The following IL1RAPL1 variants were observed in gnomAD, a reference collection of about 807,000 sequenced individuals.
IL1RAPL1 encodes interleukin 1 receptor accessory protein like 1.
In IL1RAPL1, 3 loss-of-function variants were observed where a neutral mutation model predicts 48.4. The observed-to-expected ratio is 0.06, with a 90% confidence interval of 0.03 to 0.16. The LOEUF (loss-of-function observed/expected upper bound fraction) is 0.16. Ranked by LOEUF, IL1RAPL1 falls within the 10% of genes least tolerant of loss-of-function variation. IL1RAPL1 has a pLI of 1.00. For missense variants in IL1RAPL1, 349 were observed against 530.6 expected, an observed-to-expected ratio of 0.66 and a Z score of 3.36; for synonymous variants, 185 against 187.7, an observed-to-expected ratio of 0.99 and a Z score of 0.12.
At chrX:29,758,603 G>A (rs1242866544) in intron 6 of IL1RAPL1, among the ~76,000 whole-genome samples, 3 of 109,295 alleles carry the variant, frequency 2.7e-5, no homozygotes, top group Admixed American at 2.0e-4. Context: ...GGCTGAGGCA[G>A]GAGAATTGCT....
chrX:29,796,186 A>T (rs181739990), intron 6 of IL1RAPL1, among the ~76,000 whole-genome samples: 23 of 112,397 alleles, frequency 2.0e-4, no homozygotes, highest in Admixed American at 7.5e-4. Flanking sequence ...AGAACTTTCC[A>T]TAATATCTCT....
intron 5 of IL1RAPL1, among the ~76,000 whole-genome samples, chrX:29,415,747 T>G (rs1934207303): frequency 8.9e-6 from 1 of 112,636 alleles, no homozygotes; most frequent in South Asian, 3.6e-4. Flanking sequence ...ATACAGCTCT[T>G]ATAGTTTTAA....
At chrX:29,762,824 GT>G (rs1396035348) in intron 6 of IL1RAPL1, among the ~76,000 whole-genome samples, 1 of 111,136 alleles carries the variant, frequency 9.0e-6, no homozygotes, top group Non-Finnish European at 1.9e-5. Flanking sequence ...CTATCCTGTC[GT>G]TTTGAATATT....
intron 6 of IL1RAPL1, among the ~76,000 whole-genome samples, chrX:29,877,684 G>A (rs943326677): frequency 1.8e-5 from 2 of 111,701 alleles, no homozygotes. Context: ...TCCATTAACC[G>A]ATAGAACGAG....
chrX:29,900,367 G>C (rs761185321), intron 6 of IL1RAPL1, among the ~76,000 whole-genome samples: 12 of 112,120 alleles, frequency 1.1e-4, no homozygotes, highest in African/African-American at 3.2e-4. Context: ...AAGAAAAGCA[G>C]GTTTGTGCCT....
intron 2 of IL1RAPL1, among the ~76,000 whole-genome samples, chrX:29,149,140 G>A (rs1929409046): frequency 9.0e-6 from 1 of 110,502 alleles, no homozygotes; most frequent in Non-Finnish European, 1.9e-5. Context: ...GTAGCCATTG[G>A]GTAAGAAATG....
chrX:29,433,063 G>A, intron 5 of IL1RAPL1, among the ~76,000 whole-genome samples: 1 of 109,833 alleles, frequency 9.1e-6, no homozygotes. Context: ...TGAATACATG[G>A]TATGTCTGTT....
intron 2 of IL1RAPL1, among the ~76,000 whole-genome samples, chrX:29,211,156 A>G (rs1930762768): frequency 9.0e-6 from 1 of 111,044 alleles, no homozygotes; most frequent in Non-Finnish European, 1.9e-5. Flanking sequence ...GAAACAAAGT[A>G]TTCTCTCACT....
At chrX:28,720,851 T>G (rs1288317567) in intron 1 of IL1RAPL1, among the ~76,000 whole-genome samples, 8 of 111,566 alleles carry the variant, frequency 7.2e-5, no homozygotes, top group Non-Finnish European at 1.5e-4. Flanking sequence ...ACATGTGGTG[T>G]TTGGTTTTTT....
chrX:29,701,671 A>G (rs1286532468), intron 6 of IL1RAPL1, among the ~76,000 whole-genome samples: 1 of 111,399 alleles, frequency 9.0e-6, no homozygotes. Flanking sequence ...AGTGTATCCC[A>G]TATCCTTCAG....
chrX:28,604,922 C>T (rs947835644), intron 1 of IL1RAPL1, among the ~76,000 whole-genome samples: 9 of 110,748 alleles, frequency 8.1e-5, no homozygotes, highest in Non-Finnish European at 1.5e-4. Flanking sequence ...GTAACAATTG[C>T]ACAATGGATC....
At chrX:28,697,289 C>G (rs191533285) in intron 1 of IL1RAPL1, among the ~76,000 whole-genome samples, 1 of 110,281 alleles carries the variant, frequency 9.1e-6, no homozygotes, top group East Asian at 2.9e-4. Context: ...GTGTTTTCTG[C>G]ATTTCAAATT....
chrX:28,805,692 C>T (rs1346517458), intron 2 of IL1RAPL1, among the ~76,000 whole-genome samples: 1 of 111,238 alleles, frequency 9.0e-6, no homozygotes, highest in Non-Finnish European at 1.9e-5. Context: ...ATTCACAAAA[C>T]ACACTTGTAT....
At chrX:29,350,261 C>CCG (rs1258049758) in intron 3 of IL1RAPL1, among the ~76,000 whole-genome samples, 3 of 84,222 alleles carry the variant, frequency 3.6e-5, no homozygotes, top group Non-Finnish European at 2.2e-5. Context: ...CACCCCCCCC[C>CCG]CCACCTGGCT....
Position 29,080,978 on chromosome X carries a change from TTCTTTCTTTCTTTCTTTC to T in IL1RAPL1, c.83-201956_83-201939del, listed in dbSNP as rs1316671595. On this transcript the variant is annotated intron_variant, in intron 2 of 10. Coordinates refer to ENST00000378993, the MANE Select transcript of IL1RAPL1 (RefSeq NM_014271.4). Reference sequence around the variant, plus strand: ...TTTCTTTCTTTCTTTCTTTCTTTCTTTCTTTCTTTCTTTCTTTCTCTCTCTCTCTCTCTCTCTCTCTCT... The same window carrying T: ...TTTCTTTCTTTCTTTCTTTCTTTCTTTCTCTCTCTCTCTCTCTCTCTCTCT... Among the ~76,000 whole-genome samples, 166 of 45,052 alleles carry T rather than the reference TTCTTTCTTTCTTTCTTTC, an allele frequency of 3.7e-3. 2 individuals are homozygous for T. Among genetic ancestry groups the T allele is most frequent in the African/African-American group, 0.018 (162 of 8,776 alleles). 39.1% of individuals were successfully genotyped at this position (45,052 alleles called of 115,157 possible). A position where few individuals can be genotyped will look rare whatever the true frequency, so the allele number is the denominator to read the frequency against.
intron 3 of IL1RAPL1, among the ~76,000 whole-genome samples, chrX:29,318,479 T>G (rs1420562418): frequency 8.9e-6 from 1 of 112,388 alleles, no homozygotes; most frequent in African/African-American, 3.2e-5. Flanking sequence ...GGGCATGAAG[T>G]AAAAGGAAAT....
At chrX:29,683,712 A>C (rs910313300) in intron 6 of IL1RAPL1, among the ~76,000 whole-genome samples, 2 of 112,280 alleles carry the variant, frequency 1.8e-5, no homozygotes, top group African/African-American at 6.5e-5. Context: ...TAATATTTAA[A>C]ATGGTCTATT....
At chrX:28,876,324 T>C (rs374124680) in intron 2 of IL1RAPL1, among the ~76,000 whole-genome samples, 18 of 111,949 alleles carry the variant, frequency 1.6e-4, no homozygotes, top group Non-Finnish European at 3.0e-4. Context: ...CCAGAAGTGA[T>C]GTACAGCATT....
intron 2 of IL1RAPL1, among the ~76,000 whole-genome samples, chrX:29,128,158 G>A (rs952527627): frequency 9.1e-6 from 1 of 110,422 alleles, no homozygotes; most frequent in Admixed American, 9.7e-5. Context: ...AGAACATCTT[G>A]GACAAGGTGA....
Sources: allele counts gnomAD v4.1 joint callset (sites outside exome capture counted in the v4.1 genomes callset), GRCh38; gene constraint gnomAD v4.1.1; transcripts MANE v1.5; gene names NCBI Gene and HGNC (gene_info 2026-07-23, HGNC 2026-07-21).